Variants in LPP observed in about 807,000 individuals in gnomAD.
The protein encoded by LPP is lipoma-preferred partner.
LPP carries 38 observed loss-of-function variants against 60.4 expected under a neutral mutation model. The observed-to-expected ratio is 0.63, with a 90% CI of 0.49 to 0.83. LPP has a LOEUF of 0.83. Among genes scored for constraint, LPP ranks in the 40% least tolerant of loss-of-function variants. LPP has a pLI of 0.00. For missense variants in LPP, 902 were observed against 783.6 expected (o/e 1.15, Z -1.80); for synonymous variants, 328 against 290.8 (o/e 1.13, Z -1.30).
At chr3:188,379,570 C>T (rs58603135) in intron 3 of LPP, among the ~76,000 whole-genome samples, 1,701 of 152,264 alleles carry the variant, frequency 0.011, 29 homozygotes, top group African/African-American at 0.037. Flanking sequence ...TTTCTTATTT[C>T]TCCCAAATCT....
In LPP at chr3:188,391,169, CT is replaced by C. The variant is rs371408316; in HGVS notation, c.-9-14942del. On this transcript the variant is annotated intron_variant, in intron 3 of 11. Transcript: ENST00000617246. ...AAGGGACTTTCATTCATCTAGCCCCCTGGGTTAGAAAACAGGGCTGGTGAGT... is the reference window on the plus strand; with the variant it reads ...AAGGGACTTTCATTCATCTAGCCCCCGGGTTAGAAAACAGGGCTGGTGAGT... 3.5e-3 allele frequency among the ~76,000 whole-genome samples: 534 copies of C among 152,282 alleles called. 8 individuals carry two copies. Among genetic ancestry groups the C allele is most frequent in the African/African-American group, 0.013 (521 of 41,552 alleles).
At chr3:188,220,206 G>A (rs1432832524) in intron 1 of LPP, among the ~76,000 whole-genome samples, 1 of 152,098 alleles carries the variant, frequency 6.6e-6, no homozygotes, top group African/African-American at 2.4e-5. Flanking sequence ...GATTCTCCCG[G>A]TGAGGTCACG....
chr3:188,429,132 A>G (rs1790259058), intron 4 of LPP, among the ~76,000 whole-genome samples: 2 of 152,142 alleles, frequency 1.3e-5, no homozygotes, highest in Non-Finnish European at 2.9e-5. Flanking sequence ...TTATATTGAC[A>G]ATGTGTAACG....
intron 2 of LPP, among the ~76,000 whole-genome samples, chr3:188,256,356 T>G (rs1318944188): frequency 6.6e-6 from 1 of 152,208 alleles, no homozygotes; most frequent in African/African-American, 2.4e-5. Flanking sequence ...ACATCTTTTT[T>G]CAGCTAACAA....
intron 6 of LPP, among the ~76,000 whole-genome samples, chr3:188,604,242 T>A (rs1841991928): frequency 6.6e-6 from 1 of 152,182 alleles, no homozygotes; most frequent in Non-Finnish European, 1.5e-5. Context: ...TTCTATTGAA[T>A]AAATAATTTG....
At chr3:188,573,161 T>G (rs143648652) in intron 6 of LPP, among the ~76,000 whole-genome samples, 196 of 152,206 alleles carry the variant, frequency 1.3e-3, no homozygotes, top group African/African-American at 4.4e-3. Flanking sequence ...CAAGTGGGTA[T>G]GATCATGATT....
intron 3 of LPP, among the ~76,000 whole-genome samples, chr3:188,402,864 G>A (rs1782575121): frequency 2.0e-5 from 3 of 152,202 alleles, no homozygotes; most frequent in African/African-American, 7.2e-5. Context: ...CCTTGGAGAA[G>A]TTAGGGAAAT....
At chr3:188,529,141 G>A (rs142325791) in intron 6 of LPP, among the ~76,000 whole-genome samples, 13 of 152,244 alleles carry the variant, frequency 8.5e-5, no homozygotes, top group Non-Finnish European at 1.5e-4. Context: ...AATTAGATGT[G>A]TTAATATTTA....
At chr3:188,754,500 T>C (rs1729509392) in intron 8 of LPP, among the ~76,000 whole-genome samples, 1 of 152,154 alleles carries the variant, frequency 6.6e-6, no homozygotes, top group Non-Finnish European at 1.5e-5. Flanking sequence ...TGTCAGCTTT[T>C]CTTCTGACAA....
chr3:188,460,123 G>A (rs1018825660), intron 4 of LPP, among the ~76,000 whole-genome samples: 7 of 152,120 alleles, frequency 4.6e-5, no homozygotes, highest in African/African-American at 1.7e-4. Context: ...CAGCCTTATT[G>A]ATTTACAGAC....
chr3:188,684,984 A>G (rs908853355), intron 7 of LPP, among the ~76,000 whole-genome samples: 2 of 152,224 alleles, frequency 1.3e-5, no homozygotes, highest in African/African-American at 2.4e-5. Context: ...TCATTTACCA[A>G]ATACTTATAT....
intron 6 of LPP, among the ~76,000 whole-genome samples, chr3:188,543,119 T>A (rs961850987): frequency 1.3e-5 from 2 of 152,190 alleles, no homozygotes; most frequent in African/African-American, 4.8e-5. Flanking sequence ...GACTCTCAAT[T>A]TCTTAGGGCT....
chr3:188,692,119 G>A (rs1401911944), intron 7 of LPP, among the ~76,000 whole-genome samples: 1 of 152,184 alleles, frequency 6.6e-6, no homozygotes, highest in African/African-American at 2.4e-5. Context: ...CTTCCTCTGA[G>A]CATTGAGTTG....
intron 9 of LPP, among the ~76,000 whole-genome samples, chr3:188,782,581 T>G: frequency 6.6e-6 from 1 of 152,288 alleles, no homozygotes; most frequent in East Asian, 1.9e-4. Flanking sequence ...TATAGAGATT[T>G]ACCCTGAAGA....
chr3:188,716,675 G>T (rs1213904695), intron 8 of LPP, among the ~76,000 whole-genome samples: 1 of 152,180 alleles, frequency 6.6e-6, no homozygotes, highest in Non-Finnish European at 1.5e-5. Context: ...AGTCTGGCCA[G>T]TTCCCATTCA....
At chr3:188,532,098 C>T (rs1370749743) in intron 6 of LPP, among the ~76,000 whole-genome samples, 4 of 152,142 alleles carry the variant, frequency 2.6e-5, no homozygotes, top group African/African-American at 7.2e-5. Context: ...AAAACCCTCA[C>T]ATTTAGTGCC....
intron 7 of LPP, among the ~76,000 whole-genome samples, chr3:188,649,271 A>T (rs978523573): frequency 1.3e-5 from 2 of 152,218 alleles, no homozygotes; most frequent in African/African-American, 4.8e-5. Flanking sequence ...CAGGTAAAGG[A>T]TGATGCTTAA....
At chr3:188,841,260 T>C (rs1759893450) in intron 9 of LPP, among the ~76,000 whole-genome samples, 1 of 151,020 alleles carries the variant, frequency 6.6e-6, no homozygotes, top group Admixed American at 6.6e-5. Flanking sequence ...GGGCTGGGTT[T>C]GAAACATCTC....
intron 6 of LPP, among the ~76,000 whole-genome samples, 194 bp from the exon 7 acceptor site, chr3:188,608,967 A>T (rs369415444): frequency 1.3e-5 from 2 of 152,242 alleles, no homozygotes; most frequent in African/African-American, 4.8e-5. Flanking sequence ...ATTCGTCGGC[A>T]GTGCACAGAT....
Sources: allele counts gnomAD v4.1 joint callset (sites outside exome capture counted in the v4.1 genomes callset), GRCh38; gene constraint gnomAD v4.1.1; transcripts MANE v1.5; gene names NCBI Gene and HGNC (gene_info 2026-07-23, HGNC 2026-07-21).